The following TXNDC5 variants were observed in gnomAD, a reference collection of about 807,000 sequenced individuals.
TXNDC5 encodes the protein thioredoxin domain-containing protein 5.
A neutral mutation model predicts 52.6 loss-of-function variants in TXNDC5; 44 were observed. The observed-to-expected ratio is 0.84, with a 90% CI of 0.66 to 1.08. TXNDC5 has a LOEUF of 1.08. Among genes scored for constraint, TXNDC5 ranks in the 50% least tolerant of loss-of-function variants. TXNDC5 has a pLI of 0.00. For missense variants in TXNDC5, 600 were observed against 565.5 expected (o/e 1.06, Z -0.62); for synonymous variants, 241 against 234.4 (o/e 1.03, Z -0.26).
chr6:7,909,936 C>G (rs1760859044), intron 1 of TXNDC5: 1 of 986,066 alleles, frequency 1.0e-6, no homozygotes, highest in East Asian at 1.1e-4. Flanking sequence ...GGCCCACGGG[C>G]AGGCCGCGCG....
At chr6:7,900,350 T>C (rs1760521202) in intron 2 of TXNDC5, 1 of 152,210 alleles carries the variant, frequency 6.6e-6, no homozygotes, top group African/African-American at 2.4e-5. Context: ...TCAGTTCCTG[T>C]ATCCCTCCAG....
intron 6 of TXNDC5, 39 bp from the exon 7 acceptor site, chr6:7,888,887 G>A (rs1370672167): frequency 1.9e-6 from 3 of 1,563,332 alleles, no homozygotes; most frequent in African/African-American, 1.4e-5. Context: ...TGAGTCCACT[G>A]AGGTGTTCTG....
Position 7,891,643 on chromosome 6 carries a change from G to T in TXNDC5, c.710C>A (p.Ser237Tyr). 1.9e-6 allele frequency: 3 copies of T among 1,613,890 alleles called. No individual in the cohort carries two copies. The highest frequency in any genetic ancestry group is 2.5e-6 in the Non-Finnish European group (3 of 1,179,866). Residue 237 changes from serine (S) to tyrosine (Y), a missense_variant, in exon 5 of 10, where the codon TCC (serine) becomes TAC (tyrosine). By Grantham distance (144) the Ser-to-Tyr change is moderately radical. Coordinates refer to ENST00000379757, the MANE Select transcript of TXNDC5 (RefSeq NM_030810.5). ...CACCTTGCCAATCTTGACAGTTTCGGAATGTTCAAGGCCCAGAGCCAGCTG... is the reference window on the plus strand; with the variant it reads ...CACCTTGCCAATCTTGACAGTTTCGTAATGTTCAAGGCCCAGAGCCAGCTG... ...WEQLALGLEHSETVKIGKVDC... is the reference protein window; with the variant it reads ...WEQLALGLEHYETVKIGKVDC...
chr6:7,907,380 CTG>C (rs1760772462), intron 1 of TXNDC5, among the ~76,000 whole-genome samples: 1 of 152,142 alleles, frequency 6.6e-6, no homozygotes, highest in African/African-American at 2.4e-5. Flanking sequence ...AGAAGGTAGC[CTG>C]TGGCCAAGAA....
At chr6:7,910,145 G>T (rs1244861897) in intron 1 of TXNDC5, 1 of 986,936 alleles carries the variant, frequency 1.0e-6, no homozygotes, top group Non-Finnish European at 1.2e-6. Context: ...CTCCCGCACC[G>T]CCCCGGCCGC....
In TXNDC5 at chr6:7,886,011, G is replaced by T. The variant is rs1490334573; in HGVS notation, c.996C>A (p.Phe332Leu). The change falls in exon 8 of 10, where the codon TTC becomes TTA. Residue 332 changes from phenylalanine to leucine, a missense_variant. Phe to Leu is a conservative substitution (Grantham distance 22, BLOSUM62 0). Transcript: ENST00000379757. ...GTVLALTENN[F>L]DDTIAEGITF... Reference sequence around the variant, plus strand: ...TTATTCCTTCTGCAATGGTGTCATCGAAGTTATTTTCAGTGAGTGCCAACA... The same window carrying T: ...TTATTCCTTCTGCAATGGTGTCATCTAAGTTATTTTCAGTGAGTGCCAACA... 6.2e-7 allele frequency: 1 copy of T among 1,614,136 alleles called. No individual in the cohort carries two copies. Among genetic ancestry groups the T allele is most frequent in the South Asian group, 1.1e-5 (1 of 91,070 alleles).
chr6:7,910,172 C>T (rs1760867890), intron 1 of TXNDC5: 1 of 985,668 alleles, frequency 1.0e-6, no homozygotes, highest in South Asian at 4.6e-5. Flanking sequence ...CCACGTCAGC[C>T]GCCAGTGCCC....
At position 7,882,281 on chromosome 6, in the gene TXNDC5, C is replaced by CA. The variant is rs1759776178; in HGVS notation, c.*862dup. The CA allele has an allele frequency of 6.6e-6, 1 of 152,408 alleles. No individual in the cohort carries two copies. Among genetic ancestry groups the CA allele is most frequent in the South Asian group, 2.1e-4 (1 of 4,832 alleles). The allele number at this position is 152,408 out of a possible 1,614,324, so 9.4% of individuals were successfully genotyped here. On this transcript the variant is annotated 3_prime_UTR_variant, in exon 10 of 10. Transcript: ENST00000379757. ...TGTCTGGTCTTGTCACCCCAGGTGACAAATACAACTGGAATCTTTCAATGA... is the reference window on the plus strand; with the variant it reads ...TGTCTGGTCTTGTCACCCCAGGTGACAAAATACAACTGGAATCTTTCAATGA...
In TXNDC5 at chr6:7,908,934, T is replaced by C. The variant is rs1000476100; in HGVS notation, c.263+1580A>G. ...AATTAAGTAGTACACTTAATTGAAATAGTTGCTGAGAATACTCCCGAACAA... is the reference window on the plus strand; with the variant it reads ...AATTAAGTAGTACACTTAATTGAAACAGTTGCTGAGAATACTCCCGAACAA... On this transcript the variant is annotated intron_variant, in intron 1 of 9. Transcript: ENST00000379757. Among the ~76,000 whole-genome samples, 19 of 152,178 alleles carry C rather than the reference T, an allele frequency of 1.2e-4. 1 individual carries two copies. Among genetic ancestry groups the C allele is most frequent in the African/African-American group, 4.1e-4 (17 of 41,444 alleles).
intron 8 of TXNDC5, 81 bp downstream of exon 8, chr6:7,885,880 G>C (rs1759954575): frequency 1.5e-6 from 2 of 1,291,366 alleles, no homozygotes; most frequent in Admixed American, 1.8e-5. Flanking sequence ...ATTGAGTCTG[G>C]AGGGGTGGCA....
At chr6:7,897,747 T>C (rs1452247613) in intron 3 of TXNDC5, among the ~76,000 whole-genome samples, 1 of 152,254 alleles carries the variant, frequency 6.6e-6, no homozygotes, top group Non-Finnish European at 1.5e-5. Flanking sequence ...GTCCTGATAC[T>C]GGCTGCTGGT....
intron 3 of TXNDC5, among the ~76,000 whole-genome samples, chr6:7,897,519 T>C (rs931818934): frequency 1.3e-5 from 2 of 152,238 alleles, no homozygotes; most frequent in Non-Finnish European, 2.9e-5. Flanking sequence ...GGCAATTATC[T>C]GGGGCCTGCT....
intron 3 of TXNDC5, among the ~76,000 whole-genome samples, chr6:7,898,480 C>T (rs985489335): frequency 1.3e-5 from 2 of 152,202 alleles, no homozygotes; most frequent in African/African-American, 4.8e-5. Context: ...AAACTGGCAA[C>T]AGTAAGCGGC....
At chr6:7,902,305 C>A (rs1225575285) in intron 2 of TXNDC5, among the ~76,000 whole-genome samples, 3 of 152,144 alleles carry the variant, frequency 2.0e-5, no homozygotes, top group African/African-American at 7.2e-5. Context: ...ACAGGTAGTT[C>A]CCCCCGTCAG....
intron 7 of TXNDC5, among the ~76,000 whole-genome samples, chr6:7,887,697 T>C (rs1760041624): frequency 6.6e-6 from 1 of 152,134 alleles, no homozygotes; most frequent in Admixed American, 6.5e-5. Context: ...TCCCTGTCAA[T>C]ATGGGATACA....
At chr6:7,883,772 G>A (rs1019509501) in intron 9 of TXNDC5, among the ~76,000 whole-genome samples, 37 of 152,114 alleles carry the variant, frequency 2.4e-4, no homozygotes, top group African/African-American at 8.0e-4. Flanking sequence ...TCTGGGTTAC[G>A]TCTATTCTCC....
At chr6:7,884,579 T>A (rs1759894372) in intron 8 of TXNDC5, 91 bp from the exon 9 acceptor site, 1 of 1,560,404 alleles carries the variant, frequency 6.4e-7, no homozygotes, top group Non-Finnish European at 8.7e-7. Flanking sequence ...GTTTCTTCTG[T>A]ATGGGACAGT....
chr6:7,902,513 A>T (rs567890894), intron 2 of TXNDC5, among the ~76,000 whole-genome samples: 1 of 152,324 alleles, frequency 6.6e-6, no homozygotes, highest in East Asian at 1.9e-4. Flanking sequence ...AGGCAGGTAC[A>T]GTCGTCACCT....
At chr6:7,908,220 T>C (rs1760797996) in intron 1 of TXNDC5, among the ~76,000 whole-genome samples, 1 of 143,536 alleles carries the variant, frequency 7.0e-6, no homozygotes, top group East Asian at 2.1e-4. Context: ...GAGGTGGAGG[T>C]TGCAGTAAAT....
Sources: allele counts gnomAD v4.1 joint callset (sites outside exome capture counted in the v4.1 genomes callset), GRCh38; gene constraint gnomAD v4.1.1; transcripts MANE v1.5; gene names NCBI Gene and HGNC (gene_info 2026-07-23, HGNC 2026-07-21).